The following PRCP variants were observed in gnomAD, a reference collection of about 807,000 sequenced individuals.
PRCP encodes the protein lysosomal Pro-X carboxypeptidase.
A neutral mutation model predicts 54.2 loss-of-function variants in PRCP; 46 were observed. The observed-to-expected ratio is 0.85, with a 90% CI of 0.67 to 1.09. The LOEUF is 1.09. Ranked by LOEUF, PRCP falls within the 50% of genes least tolerant of loss-of-function variation. PRCP has a pLI of 0.00. For missense variants in PRCP, 613 were observed against 596.8 expected, an observed-to-expected ratio of 1.03 and a Z score of -0.28; for synonymous variants, 240 against 212.2, an observed-to-expected ratio of 1.13 and a Z score of -1.14.
At chr11:82,841,972 T>C (rs1858683130) in intron 6 of PRCP, among the ~76,000 whole-genome samples, 1 of 152,048 alleles carries the variant, frequency 6.6e-6, no homozygotes, top group Non-Finnish European at 1.5e-5. Context: ...AACTACAAAG[T>C]AGACACATGG....
chr11:82,853,042 G>T (rs140980278), intron 3 of PRCP, 135 bp downstream of exon 3: 2 of 557,092 alleles, frequency 3.6e-6, no homozygotes, highest in South Asian at 3.5e-5. Flanking sequence ...TATCTAAAAA[G>T]AAACTATTAA....
chr11:82,888,185 C>T (rs906022095), intron 1 of PRCP, among the ~76,000 whole-genome samples: 1 of 152,166 alleles, frequency 6.6e-6, no homozygotes, highest in South Asian at 2.1e-4. Context: ...CCATACATAC[C>T]GTACAACCAA....
intron 6 of PRCP, chr11:82,840,798 C>T (rs904657064): frequency 6.6e-6 from 1 of 151,404 alleles, no homozygotes; most frequent in African/African-American, 2.4e-5. Flanking sequence ...AAAAAAAAAA[C>T]CTGATTCTTA....
At chr11:82,841,774 T>A (rs115092430) in intron 6 of PRCP, among the ~76,000 whole-genome samples, 1 of 152,130 alleles carries the variant, frequency 6.6e-6, no homozygotes. Context: ...GTCAAAAAAA[T>A]ACCTAACATT....
At chr11:82,860,926 G>A (rs899609963) in intron 1 of PRCP, among the ~76,000 whole-genome samples, 7 of 152,064 alleles carry the variant, frequency 4.6e-5, no homozygotes, top group Non-Finnish European at 7.4e-5. Flanking sequence ...CACAATTAAT[G>A]GAGAGTTATA....
At position 82,824,747 on chromosome 11, in the gene PRCP, C is replaced by T; in HGVS notation, c.*159G>A. ...AACCCAGGAAATCACATTCATGGGA[C>T]ACTTGCTCTTACCGTCATCACCCTC... On this transcript the variant is annotated 3_prime_UTR_variant, in exon 9 of 9. Coordinates refer to ENST00000313010, the MANE Select transcript of PRCP (RefSeq NM_005040.4). The T allele has an allele frequency of 2.8e-6, 2 of 709,504 alleles. No individual in the cohort carries two copies. Among genetic ancestry groups the T allele is most frequent in the Non-Finnish European group, 4.6e-6 (2 of 434,702 alleles). 44.0% of individuals were successfully genotyped at this position (709,504 alleles called of 1,614,324 possible).
intron 8 of PRCP, among the ~76,000 whole-genome samples, chr11:82,831,717 CT>C (rs1325634708): frequency 1.3e-5 from 2 of 151,730 alleles, no homozygotes; most frequent in Non-Finnish European, 2.9e-5. Context: ...TCCTTGGACA[CT>C]TTCTTTTTTT....
chr11:82,827,294 TTGTTTA>T (rs1858259116), intron 8 of PRCP: 1 of 152,214 alleles, frequency 6.6e-6, no homozygotes, highest in African/African-American at 2.4e-5. Context: ...TTTTTTCTCA[TTGTTTA>T]TGTTTATGGT....
chr11:82,862,999 G>A lies in PRCP; in HGVS notation c.169-2882C>T, dbSNP rs571058360. Among the ~76,000 whole-genome samples the A allele has an allele frequency of 7.2e-5, 11 of 152,296 alleles. No individual in the cohort carries two copies. In the East Asian group the frequency reaches 7.7e-4, roughly 11 times the overall value. On this transcript the variant is annotated intron_variant, in intron 1 of 8. Transcript: ENST00000313010. ...GGCAGACAGACAGTGAAAGGAAGAC[G>A]GATAAGTGATTCCACCTGCTTCCAT...
In PRCP at chr11:82,860,093, C is replaced by T. The variant is rs1315674556; in HGVS notation, c.193G>A (p.Val65Met). Residue 65 changes from valine (V) to methionine (M), a missense_variant, in exon 2 of 9, where the codon GTG becomes ATG. Physicochemically the swap from Val to Met is conservative, Grantham distance 21. Transcript: ENST00000313010. The stretch of plus-strand genomic sequence containing the variant: ...AGGTACCGCTGATTAAAAGTTTTCA[C>T]AGTATTAAATCCAAAATGATCAACC... The part of the protein sequence containing the change: ...QKVDHFGFNT[V>M]KTFNQRYLVA... The T allele has an allele frequency of 6.4e-7, 1 of 1,555,428 alleles. No homozygotes were observed. The highest frequency in any genetic ancestry group is 1.2e-5 in the South Asian group (1 of 81,728).
chr11:82,855,340 C>T (rs539949122), intron 2 of PRCP, among the ~76,000 whole-genome samples: 11 of 152,196 alleles, frequency 7.2e-5, no homozygotes, highest in Admixed American at 5.9e-4. Context: ...AGAAAAGGGC[C>T]GGGCATGGTG....
At chr11:82,867,733 T>C (rs1859375811) in intron 1 of PRCP, among the ~76,000 whole-genome samples, 1 of 152,160 alleles carries the variant, frequency 6.6e-6, no homozygotes, top group Non-Finnish European at 1.5e-5. Flanking sequence ...TTTTTGTTTG[T>C]TCTCTAAGAG....
intron 8 of PRCP, chr11:82,836,899 A>G: frequency 5.1e-6 from 2 of 391,654 alleles, no homozygotes; most frequent in African/African-American, 2.1e-5. Context: ...ACAGACGGTA[A>G]TAACCAACTT....
At chr11:82,867,796 C>T (rs1362509929) in intron 1 of PRCP, among the ~76,000 whole-genome samples, 2 of 152,036 alleles carry the variant, frequency 1.3e-5, no homozygotes, top group Non-Finnish European at 2.9e-5. Context: ...GATCATAGCT[C>T]ACTGCAGCCT....
At chr11:82,893,586 G>C (rs1860050781) in intron 1 of PRCP, among the ~76,000 whole-genome samples, 1 of 152,106 alleles carries the variant, frequency 6.6e-6, no homozygotes, top group Non-Finnish European at 1.5e-5. Context: ...GAGGACAAGA[G>C]TTCAAGACCA....
chr11:82,843,404 A>G (rs1591043275), intron 6 of PRCP: 1 of 152,236 alleles, frequency 6.6e-6, no homozygotes, highest in East Asian at 1.9e-4. Context: ...ATTAAATTGA[A>G]CCATATGAAA....
intron 6 of PRCP, among the ~76,000 whole-genome samples, chr11:82,842,704 T>G (rs1858704312): frequency 6.6e-6 from 1 of 152,190 alleles, no homozygotes; most frequent in South Asian, 2.1e-4. Flanking sequence ...AACTGCCTTA[T>G]AGAAAGGAAG....
intron 1 of PRCP, among the ~76,000 whole-genome samples, chr11:82,867,414 C>T (rs1239010977): frequency 6.6e-6 from 1 of 152,156 alleles, no homozygotes; most frequent in Non-Finnish European, 1.5e-5. Flanking sequence ...AAATATCCTG[C>T]CGTTGAGAAT....
At chr11:82,856,132 C>A (rs532116953) in intron 2 of PRCP, among the ~76,000 whole-genome samples, 7 of 152,032 alleles carry the variant, frequency 4.6e-5, no homozygotes, top group Non-Finnish European at 1.0e-4. Context: ...ATAGTGAAAC[C>A]CTTTTCTCTA....
Sources: gnomAD v4.1 joint callset for allele counts (sites outside exome capture counted in the v4.1 genomes callset) on GRCh38, gnomAD v4.1.1 for gene constraint, MANE v1.5 for transcripts, NCBI Gene and HGNC (gene_info 2026-07-23, HGNC 2026-07-21) for gene names.